TRAPPC8: variants seen among roughly 807,000 people sequenced by gnomAD.
The protein encoded by TRAPPC8 is general sporulation gene 1 homolog.
In TRAPPC8, 54 loss-of-function variants were observed where a neutral mutation model predicts 174.3. The ratio of observed to expected loss-of-function variants is 0.31; its 90% CI spans 0.25 to 0.39. The LOEUF is 0.39. Ranked by LOEUF, TRAPPC8 falls within the 10% of genes least tolerant of loss-of-function variation. TRAPPC8 has a pLI of 1.00. For synonymous variants in TRAPPC8, 630 were observed against 579.9 expected, an observed-to-expected ratio of 1.09 and a Z score of -1.24; for missense variants, 1,531 against 1,699.1, an observed-to-expected ratio of 0.90 and a Z score of 1.74.
chr18:31,940,178 G>A (rs1021417449), intron 1 of TRAPPC8, among the ~76,000 whole-genome samples: 1 of 152,178 alleles, frequency 6.6e-6, no homozygotes. Flanking sequence ...ATAAAATACA[G>A]TATTAAAACT....
intron 20 of TRAPPC8, 35 bp from the exon 21 acceptor site, chr18:31,855,842 GCA>G (rs2033977393): frequency 4.5e-6 from 7 of 1,554,778 alleles, no homozygotes; most frequent in Admixed American, 4.3e-5. Context: ...GCACATTTAA[GCA>G]CAGAGTCTCT....
intron 14 of TRAPPC8, among the ~76,000 whole-genome samples, chr18:31,873,005 TCC>T (rs371749827): frequency 2.7e-4 from 39 of 146,306 alleles, no homozygotes; most frequent in African/African-American, 9.1e-4. Flanking sequence ...CTATTCATTT[TCC>T]TTTTTTTTTT....
intron 8 of TRAPPC8, among the ~76,000 whole-genome samples, chr18:31,907,871 T>C (rs2036732943): frequency 6.6e-6 from 1 of 152,220 alleles, no homozygotes; most frequent in African/African-American, 2.4e-5. Flanking sequence ...AGTAAATGGT[T>C]AATTCCAAGT....
rs2032229936 is a variant in TRAPPC8, at chr18:31,829,251, G to A, written c.*1504C>T. 1 of 152,120 alleles carries A rather than the reference G, an allele frequency of 6.6e-6. No individual in the cohort carries two copies. Among genetic ancestry groups the A allele is most frequent in the African/African-American group, 2.4e-5 (1 of 41,412 alleles). The allele number at this position is 152,120 out of a possible 1,614,324, so 9.4% of individuals were successfully genotyped here. On this transcript the variant is annotated 3_prime_UTR_variant, in exon 29 of 29. Transcript: ENST00000283351. Reference sequence around the variant, plus strand: ...ATATATTCAGTTGTAGGTTTATATAGTTTAATTTTTTTATTAGTGTCTGTT... The same window carrying A: ...ATATATTCAGTTGTAGGTTTATATAATTTAATTTTTTTATTAGTGTCTGTT...
intron 5 of TRAPPC8, among the ~76,000 whole-genome samples, chr18:31,910,957 G>GT (rs1228304223): frequency 6.6e-6 from 1 of 152,064 alleles, no homozygotes; most frequent in African/African-American, 2.4e-5. Context: ...CATCCAACTG[G>GT]TACTTCTTTG....
intron 12 of TRAPPC8, among the ~76,000 whole-genome samples, chr18:31,887,633 C>T (rs1470913217): frequency 5.7e-5 from 8 of 139,146 alleles, no homozygotes; most frequent in African/African-American, 1.6e-4. Context: ...GCAACAGGAG[C>T]GAAACTCCAT....
At chr18:31,909,145 A>G (rs2091346428) in intron 6 of TRAPPC8, 135 bp from the exon 7 acceptor site, 8 of 809,250 alleles carry the variant, frequency 9.9e-6, no homozygotes, top group South Asian at 3.6e-5. Flanking sequence ...AATGTCTAAG[A>G]TAAAACAGCA....
At chr18:31,913,778 T>C (rs1415903997) in intron 4 of TRAPPC8, among the ~76,000 whole-genome samples, 1 of 152,130 alleles carries the variant, frequency 6.6e-6, no homozygotes, top group Non-Finnish European at 1.5e-5. Flanking sequence ...GTTACCAAAG[T>C]GTGTTCCGTG....
chr18:31,870,836 C>G lies in TRAPPC8; in HGVS notation c.2257+90G>C, dbSNP rs958331854. ...TCCTAATTTATTTTTGCATCCCCAG[C>G]ACCAATTATGTGTGCCAAACAATAA... On this transcript the variant is annotated intron_variant, in intron 15 of 28. Transcript: ENST00000283351. 5 of 1,215,912 alleles carry G rather than the reference C, an allele frequency of 4.1e-6. No homozygotes were observed. In the African/African-American group the frequency reaches 7.7e-5, roughly 19 times the overall value. The allele number at this position is 1,215,912 out of a possible 1,614,324, so 75.3% of individuals were successfully genotyped here.
At chr18:31,916,572 G>T in intron 3 of TRAPPC8, 126 bp from the exon 4 acceptor site, 1 of 975,202 alleles carries the variant, frequency 1.0e-6, no homozygotes, top group Non-Finnish European at 1.4e-6. Context: ...TCACTCTGTA[G>T]CCCAGGCTGG....
At chr18:31,901,541 TAC>T (rs2036426030) in intron 9 of TRAPPC8, among the ~76,000 whole-genome samples, 1 of 152,268 alleles carries the variant, frequency 6.6e-6, no homozygotes, top group South Asian at 2.1e-4. Flanking sequence ...ACATGGGGAA[TAC>T]AGAGATCAAA....
intron 5 of TRAPPC8, among the ~76,000 whole-genome samples, chr18:31,912,780 AC>A (rs1315630381): frequency 1.3e-5 from 2 of 152,232 alleles, no homozygotes; most frequent in Non-Finnish European, 2.9e-5. Flanking sequence ...TCCATTCTGC[AC>A]GTCTAGCCTA....
At chr18:31,897,961 G>T in intron 10 of TRAPPC8, 70 bp from the exon 11 acceptor site, 1 of 1,329,822 alleles carries the variant, frequency 7.5e-7, no homozygotes, top group Non-Finnish European at 1.0e-6. Context: ...AATGTGTTCA[G>T]CAAAAGATTC....
intron 2 of TRAPPC8, among the ~76,000 whole-genome samples, chr18:31,922,651 C>T (rs777908255): frequency 3.9e-4 from 60 of 152,126 alleles, no homozygotes; most frequent in Non-Finnish European, 7.8e-4. Flanking sequence ...ATAAAAATCA[C>T]TATTTTCCTC....
At chr18:31,933,060 G>C (rs934424805) in intron 1 of TRAPPC8, among the ~76,000 whole-genome samples, 10 of 146,726 alleles carry the variant, frequency 6.8e-5, no homozygotes, top group Non-Finnish European at 1.2e-4. Context: ...CCAGCACTTT[G>C]GGAGGCCAAG....
intron 2 of TRAPPC8, among the ~76,000 whole-genome samples, chr18:31,925,836 G>A (rs1419966705): frequency 1.3e-5 from 2 of 152,008 alleles, no homozygotes; most frequent in Non-Finnish European, 2.9e-5. Flanking sequence ...TGAGGGAAAT[G>A]ATTTATAACT....
intron 11 of TRAPPC8, among the ~76,000 whole-genome samples, chr18:31,895,238 T>C (rs761780535): frequency 3.3e-5 from 5 of 152,210 alleles, no homozygotes; most frequent in Non-Finnish European, 7.3e-5. Context: ...CTCTTGATAT[T>C]ATACAGCCTT....
intron 4 of TRAPPC8, among the ~76,000 whole-genome samples, chr18:31,913,999 C>T (rs1311868744): frequency 2.0e-5 from 3 of 151,846 alleles, no homozygotes; most frequent in Non-Finnish European, 2.9e-5. Flanking sequence ...AACCCTATCT[C>T]TATCAAAATT....
chr18:31,908,484 A>T (rs1265516271), intron 7 of TRAPPC8, 66 bp from the exon 8 acceptor site: 9 of 1,148,506 alleles, frequency 7.8e-6, no homozygotes, highest in African/African-American at 1.6e-5. Flanking sequence ...ACATAAAAAA[A>T]TTTTAACTAA....
Sources: gnomAD v4.1 joint callset for allele counts (sites outside exome capture counted in the v4.1 genomes callset) on GRCh38, gnomAD v4.1.1 for gene constraint, MANE v1.5 for transcripts, NCBI Gene and HGNC (gene_info 2026-07-23, HGNC 2026-07-21) for gene names.